OXSR1: variants seen among roughly 807,000 people sequenced by gnomAD.
OXSR1 encodes the protein oxidative stress responsive kinase 1.
In OXSR1, 24 loss-of-function variants were observed where a neutral mutation model predicts 79.8. The observed-to-expected ratio is 0.30, with a 90% CI of 0.22 to 0.42. OXSR1 has a LOEUF of 0.42. Ranked by LOEUF, OXSR1 falls within the 10% of genes least tolerant of loss-of-function variation. The pLI is 1.00. For missense variants in OXSR1, 430 were observed against 618.4 expected (o/e 0.70, Z 3.23); for synonymous variants, 226 against 209.2 (o/e 1.08, Z -0.69).
At position 38,255,207 on chromosome 3, in the gene OXSR1, A is replaced by T. The variant is rs1333384001; in HGVS notation, c.*2316A>T. On this transcript the variant is annotated 3_prime_UTR_variant, in exon 18 of 18. Coordinates refer to ENST00000311806, the MANE Select transcript of OXSR1 (RefSeq NM_005109.3). ...GTAGGGACTAACTATAGCACAAAGT[A>T]ATATGTGCCAATGCTATTTGTGAAA... 2 of 152,646 alleles carry T rather than the reference A, an allele frequency of 1.3e-5. No individual in the cohort carries two copies. Among genetic ancestry groups the T allele is most frequent in the Non-Finnish European group, 2.9e-5 (2 of 68,036 alleles). The allele number at this position is 152,646 out of a possible 1,614,324, so 9.5% of individuals were successfully genotyped here.
intron 12 of OXSR1, among the ~76,000 whole-genome samples, chr3:38,244,362 C>T (rs1307589204): frequency 6.6e-6 from 1 of 152,090 alleles, no homozygotes; most frequent in Non-Finnish European, 1.5e-5. Flanking sequence ...CACTGTAGTA[C>T]AACCATCACT....
At chr3:38,194,939 T>C (rs1296992417) in intron 3 of OXSR1, among the ~76,000 whole-genome samples, 1 of 152,192 alleles carries the variant, frequency 6.6e-6, no homozygotes, top group Non-Finnish European at 1.5e-5. Context: ...GAATAGTGAG[T>C]GTCACTCTTA....
chr3:38,170,130 C>T (rs1248849608), intron 1 of OXSR1, among the ~76,000 whole-genome samples: 3 of 152,190 alleles, frequency 2.0e-5, no homozygotes, highest in East Asian at 1.9e-4. Flanking sequence ...CTGCAACCTC[C>T]GCTTCCTGGG....
chr3:38,208,965 T>TGG (rs1372077032), intron 4 of OXSR1, among the ~76,000 whole-genome samples: 5 of 147,234 alleles, frequency 3.4e-5, no homozygotes, highest in Non-Finnish European at 7.5e-5. Context: ...AAGGAGTGTG[T>TGG]GTGTGTGTGT....
At chr3:38,245,883 G>A (rs935658836) in intron 12 of OXSR1, among the ~76,000 whole-genome samples, 192 bp from the exon 13 acceptor site, 1 of 152,158 alleles carries the variant, frequency 6.6e-6, no homozygotes, top group Non-Finnish European at 1.5e-5. Flanking sequence ...ACCTCACAGA[G>A]TTGTTAAAAG....
chr3:38,234,929 T>C (rs1295935698), intron 10 of OXSR1, among the ~76,000 whole-genome samples: 2 of 152,258 alleles, frequency 1.3e-5, no homozygotes, highest in African/African-American at 4.8e-5. Flanking sequence ...TACTGATACA[T>C]GCTATAGCAT....
chr3:38,240,757 T>TGGCAAAATCTGGGACAATTTAACC (rs1334588765), intron 11 of OXSR1, among the ~76,000 whole-genome samples: 1 of 150,518 alleles, frequency 6.6e-6, no homozygotes, highest in African/African-American at 2.4e-5. Flanking sequence ...TTACTCCTAC[T>TGGCAAAATCTGGGACAATTTAACC]GGCAAAATCT....
intron 5 of OXSR1, among the ~76,000 whole-genome samples, chr3:38,218,518 A>G (rs1447508496): frequency 1.3e-5 from 2 of 151,798 alleles, no homozygotes; most frequent in African/African-American, 2.4e-5. Context: ...TGGAGTGTTT[A>G]TTTTATTTTT....
chr3:38,222,080 T>C (rs766003040), intron 6 of OXSR1, among the ~76,000 whole-genome samples: 2 of 152,238 alleles, frequency 1.3e-5, no homozygotes, highest in Admixed American at 6.5e-5. Flanking sequence ...CTCAGTATGC[T>C]GCGAACCGAA....
chr3:38,214,348 T>C (rs190240126), intron 4 of OXSR1, among the ~76,000 whole-genome samples: 155 of 152,168 alleles, frequency 1.0e-3, no homozygotes, highest in African/African-American at 3.5e-3. Flanking sequence ...GTGACTATAG[T>C]AGTATATTAA....
In OXSR1 at chr3:38,252,850, G is replaced by C; in HGVS notation, c.1543G>C (p.Asp515His). 1 of 1,613,756 alleles carries C rather than the reference G, an allele frequency of 6.2e-7. No homozygotes were observed. Among genetic ancestry groups the C allele is most frequent in the South Asian group, 1.1e-5 (1 of 91,080 alleles). ...TGTCGAAGGCTCAGATATTCCTGAT[G>C]ATGGTAAACTGATAGGATTTGCCCA... is the stretch of plus-strand genomic sequence containing the variant. ...SGVEGSDIPD[D>H]GKLIGFAQLS... The change falls in exon 18 of 18, where the codon GAT becomes CAT. Residue 515 changes from aspartate (D) to histidine (H), a missense_variant. This residue lies in a region of OXSR1 where 276 missense variants were observed against 354.2 expected (regional missense o/e 0.78). Transcript: ENST00000311806.
chr3:38,237,924 C>G (rs1702952411), intron 11 of OXSR1, among the ~76,000 whole-genome samples: 1 of 152,114 alleles, frequency 6.6e-6, no homozygotes, highest in Non-Finnish European at 1.5e-5. Context: ...TATATTAAAG[C>G]TACCAGAGGA....
rs150582383 is a variant in OXSR1, at chr3:38,250,120, A to G, written c.1375+102A>G. 1.3e-3 allele frequency: 1,083 copies of G among 841,310 alleles called. 8 individuals are homozygous for G. Among genetic ancestry groups the G allele is most frequent in the African/African-American group, 0.013 (749 of 58,404 alleles). The allele number at this position is 841,310 out of a possible 1,614,324, so 52.1% of individuals were successfully genotyped here. On this transcript the variant is annotated intron_variant, in intron 15 of 17. Transcript: ENST00000311806. ...CTTTGTGAAGTTTTGCTTTTAAAGG[A>G]TAATAAAAATTTTCCTGGTTTTGGC...
intron 4 of OXSR1, among the ~76,000 whole-genome samples, chr3:38,213,006 T>C (rs1216780224): frequency 6.6e-6 from 1 of 152,184 alleles, no homozygotes; most frequent in Non-Finnish European, 1.5e-5. Flanking sequence ...ACTTTTGGTT[T>C]CAAAAGGGAA....
intron 1 of OXSR1, among the ~76,000 whole-genome samples, chr3:38,181,796 T>C (rs1701791513): frequency 6.6e-6 from 1 of 152,062 alleles, no homozygotes; most frequent in Non-Finnish European, 1.5e-5. Flanking sequence ...CTCATTCACG[T>C]GTGCTTTTCC....
intron 4 of OXSR1, among the ~76,000 whole-genome samples, chr3:38,202,871 T>C (rs1393043803): frequency 2.0e-5 from 3 of 152,126 alleles, no homozygotes; most frequent in African/African-American, 4.8e-5. Context: ...TAAGCGGTAA[T>C]GTCAGTGTCT....
At chr3:38,173,371 G>T (rs1701619364) in intron 1 of OXSR1, among the ~76,000 whole-genome samples, 2 of 152,168 alleles carry the variant, frequency 1.3e-5, no homozygotes, top group Admixed American at 6.5e-5. Context: ...TGAAGAGGTA[G>T]TTGCCTACTG....
At chr3:38,229,556 TAAGGA>T (rs1702762970) in intron 8 of OXSR1, 126 bp from the exon 9 acceptor site, 1 of 632,844 alleles carries the variant, frequency 1.6e-6, no homozygotes, top group African/African-American at 1.9e-5. Context: ...TTTAGCAGTT[TAAGGA>T]AAGTAGAGTA....
intron 4 of OXSR1, among the ~76,000 whole-genome samples, chr3:38,201,925 G>A (rs892910565): frequency 1.3e-5 from 2 of 152,210 alleles, no homozygotes; most frequent in Non-Finnish European, 1.5e-5. Context: ...AAGATGTGCA[G>A]TTTGGGACTT....
Sources: allele counts gnomAD v4.1 joint callset (sites outside exome capture counted in the v4.1 genomes callset), GRCh38; gene constraint gnomAD v4.1.1; regional missense constraint gnomAD v4.1.1; transcripts MANE v1.5; gene names NCBI Gene and HGNC (gene_info 2026-07-23, HGNC 2026-07-21).